The following KPNA3 variants were observed in gnomAD, a reference collection of about 807,000 sequenced individuals.
The protein encoded by KPNA3 is karyopherin subunit alpha 3, also known as importin subunit alpha-4.
KPNA3 carries 13 observed loss-of-function variants against 73.8 expected under a neutral mutation model. The ratio of observed to expected loss-of-function variants is 0.18; its 90% confidence interval spans 0.11 to 0.28. The LOEUF is 0.28. Ranked by LOEUF, KPNA3 falls within the 10% of genes least tolerant of loss-of-function variation. KPNA3 has a pLI of 1.00. For synonymous variants in KPNA3, 186 were observed against 206.9 expected, an observed-to-expected ratio of 0.90 and a Z score of 0.87; for missense variants, 360 against 618.1, an observed-to-expected ratio of 0.58 and a Z score of 4.43.
At chr13:49,726,556 C>G (rs898252985) in intron 6 of KPNA3, among the ~76,000 whole-genome samples, 10 of 151,862 alleles carry the variant, frequency 6.6e-5, no homozygotes, top group African/African-American at 1.9e-4. Flanking sequence ...TACAGATATG[C>G]TAAGGATGGG....
chr13:49,726,839 A>G (rs1954414232), intron 6 of KPNA3, among the ~76,000 whole-genome samples: 1 of 149,936 alleles, frequency 6.7e-6, no homozygotes, highest in Middle Eastern at 3.2e-3. Flanking sequence ...GCTACTTGGG[A>G]TGCTGGGCGG....
chr13:49,732,651 T>A lies in KPNA3; in HGVS notation c.241A>T (p.Thr81Ser). The A allele has an allele frequency of 6.2e-7, 1 of 1,610,762 alleles. No homozygotes were observed. The highest frequency in any genetic ancestry group is 8.5e-7 in the Non-Finnish European group (1 of 1,178,332). Residue 81 changes from threonine (T) to serine (S), a missense_variant, in exon 5 of 17, where the codon ACA becomes TCA. By Grantham distance (58) the Thr-to-Ser change is moderately conservative (BLOSUM62 1). Coordinates refer to ENST00000261667, the MANE Select transcript of KPNA3 (RefSeq NM_002267.4). ...VTLEAILQNA[T>S]SDNPVVQLSA... Reference sequence around the variant, plus strand: ...AATTGGACCACTGGGTTATCACTTGTGGCATTCTGCAATACCAAATGTAAA... The same window carrying A: ...AATTGGACCACTGGGTTATCACTTGAGGCATTCTGCAATACCAAATGTAAA...
intron 1 of KPNA3, among the ~76,000 whole-genome samples, chr13:49,785,795 C>T (rs1339921360): frequency 6.6e-6 from 1 of 152,042 alleles, no homozygotes; most frequent in Non-Finnish European, 1.5e-5. Context: ...ATATAGATTC[C>T]TGAAACACTT....
rs912328043 is a variant in KPNA3 at position 49,732,822 on chromosome 13, T to C, written c.205-46A>G. On this transcript the variant is annotated intron_variant, in intron 3 of 16. Coordinates refer to ENST00000261667, the MANE Select transcript of KPNA3 (RefSeq NM_002267.4). ...AGTTCAGCAGAGTTTATTAACAAAA[T>C]TACATTCATTAAACAGTGTACCTGA... is the stretch of plus-strand genomic sequence containing the variant. 4.2e-6 allele frequency: 6 copies of C among 1,444,366 alleles called. No homozygotes were observed. In the Admixed American group the frequency reaches 5.8e-5, roughly 14 times the overall value. 89.5% of individuals were successfully genotyped at this position (1,444,366 alleles called of 1,614,324 possible).
chr13:49,710,148 G>A (rs1954246896), intron 11 of KPNA3, among the ~76,000 whole-genome samples: 1 of 152,294 alleles, frequency 6.6e-6, no homozygotes, highest in South Asian at 2.1e-4. Context: ...TGTAATCCCA[G>A]CTACTCTGAA....
At chr13:49,782,660 CTTGAG>C (rs1954950457) in intron 1 of KPNA3, among the ~76,000 whole-genome samples, 1 of 152,098 alleles carries the variant, frequency 6.6e-6, no homozygotes, top group Admixed American at 6.5e-5. Context: ...AGGTGAATCA[CTTGAG>C]CCTAAGAGTT....
intron 1 of KPNA3, among the ~76,000 whole-genome samples, chr13:49,760,183 G>A (rs1413978317): frequency 3.3e-5 from 5 of 152,108 alleles, no homozygotes; most frequent in African/African-American, 1.2e-4. Flanking sequence ...AGCAATCCAA[G>A]AAGACTGCTT....
Position 49,701,902 on chromosome 13 carries a change from T to C in KPNA3, c.1468-4A>G. The C allele has an allele frequency of 6.2e-7, 1 of 1,601,584 alleles. No homozygotes were observed. The highest frequency in any genetic ancestry group is 8.6e-7 in the Non-Finnish European group (1 of 1,169,110). On this transcript the variant is annotated splice_region_variant and splice_polypyrimidine_tract_variant and intron_variant, in intron 16 of 16. Coordinates refer to ENST00000261667, the MANE Select transcript of KPNA3 (RefSeq NM_002267.4). ...TGAGGCAGGGATCTTCATCAATCTG[T>C]AAAAAACAAGAAAAAAATCCTTATT...
intron 1 of KPNA3, among the ~76,000 whole-genome samples, chr13:49,778,240 G>T (rs1566360796): frequency 6.6e-6 from 1 of 152,246 alleles, no homozygotes; most frequent in African/African-American, 2.4e-5. Flanking sequence ...AACTATAAAT[G>T]TATCTAAATG....
chr13:49,771,798 T>C (rs1242298641), intron 1 of KPNA3, among the ~76,000 whole-genome samples: 1 of 152,124 alleles, frequency 6.6e-6, no homozygotes, highest in African/African-American at 2.4e-5. Flanking sequence ...GGACTACAGG[T>C]ACACACCATC....
intron 1 of KPNA3, among the ~76,000 whole-genome samples, chr13:49,753,026 CAAAAAA>C (rs71078888): frequency 2.1e-4 from 17 of 82,206 alleles, no homozygotes; most frequent in South Asian, 1.7e-3. Flanking sequence ...GACTCTGTCT[CAAAAAA>C]AAAAAAAAAA....
At chr13:49,782,309 T>A (rs1173933681) in intron 1 of KPNA3, among the ~76,000 whole-genome samples, 1 of 152,236 alleles carries the variant, frequency 6.6e-6, no homozygotes, top group South Asian at 2.1e-4. Context: ...TTATTCATAC[T>A]ATTTTTCTTT....
At chr13:49,792,056 G>C (rs904639750) in intron 1 of KPNA3, among the ~76,000 whole-genome samples, 2 of 152,174 alleles carry the variant, frequency 1.3e-5, no homozygotes, top group Admixed American at 1.3e-4. Context: ...ACCGGTGGCG[G>C]GCGCAAGCAG....
intron 1 of KPNA3, among the ~76,000 whole-genome samples, chr13:49,756,501 G>A (rs1358775627): frequency 6.6e-6 from 1 of 151,852 alleles, no homozygotes; most frequent in Non-Finnish European, 1.5e-5. Flanking sequence ...AGGCTGCAGT[G>A]AACTATGATT....
chr13:49,704,412 C>CA (rs975118692), intron 15 of KPNA3, among the ~76,000 whole-genome samples: 22 of 117,988 alleles, frequency 1.9e-4, no homozygotes, highest in South Asian at 1.2e-3. Flanking sequence ...AACTCTGTCT[C>CA]AAAAAAAAAA....
At chr13:49,716,438 TATTTA>T (rs1034860895) in intron 10 of KPNA3, among the ~76,000 whole-genome samples, 4 of 152,008 alleles carry the variant, frequency 2.6e-5, no homozygotes, top group Non-Finnish European at 4.4e-5. Flanking sequence ...ACTTTAATTT[TATTTA>T]ATTATTTTTT....
intron 1 of KPNA3, among the ~76,000 whole-genome samples, chr13:49,764,439 G>T (rs548852633): frequency 6.6e-6 from 1 of 152,246 alleles, no homozygotes; most frequent in South Asian, 2.1e-4. Flanking sequence ...AAAAGCTACT[G>T]CTCAAGCCCC....
intron 1 of KPNA3, among the ~76,000 whole-genome samples, chr13:49,750,859 G>T (rs1458661159): frequency 6.6e-6 from 1 of 152,136 alleles, no homozygotes; most frequent in Non-Finnish European, 1.5e-5. Context: ...GGGCATGGTG[G>T]CGCACGCCTG....
intron 1 of KPNA3, among the ~76,000 whole-genome samples, chr13:49,752,956 G>A (rs1402113907): frequency 6.7e-6 from 1 of 148,424 alleles, no homozygotes; most frequent in Non-Finnish European, 1.5e-5. Context: ...GAACCCGGGA[G>A]GTGGAGCTTG....
Sources: allele counts gnomAD v4.1 joint callset (sites outside exome capture counted in the v4.1 genomes callset), GRCh38; gene constraint gnomAD v4.1.1; transcripts MANE v1.5; gene names NCBI Gene and HGNC (gene_info 2026-07-23, HGNC 2026-07-21).